USP10: variants seen among roughly 807,000 people sequenced by gnomAD.
USP10 encodes ubiquitin specific peptidase 10, also known as ubiquitin carboxyl-terminal hydrolase 10.
A neutral mutation model predicts 84.5 loss-of-function variants in USP10; 22 were observed. The ratio of observed to expected loss-of-function variants is 0.26; its 90% CI spans 0.19 to 0.37. The LOEUF is 0.37. USP10 is among the 10% of genes least tolerant of loss of function. The pLI is 1.00. For missense variants in USP10, 1,019 were observed against 998.9 expected (o/e 1.02, Z -0.27); for synonymous variants, 454 against 387.6 (o/e 1.17, Z -2.01).
At chr16:84,749,910 C>T (rs535803214) in intron 4 of USP10, among the ~76,000 whole-genome samples, 1 of 152,062 alleles carries the variant, frequency 6.6e-6, no homozygotes, top group Non-Finnish European at 1.5e-5. Flanking sequence ...GGCTGTTTTT[C>T]AAGTGTGAAC....
intron 6 of USP10, 65 bp downstream of exon 6, chr16:84,759,537 A>T: frequency 7.0e-7 from 1 of 1,433,326 alleles, no homozygotes; most frequent in South Asian, 1.2e-5. Flanking sequence ...TTAGAATTGA[A>T]ATAGTTTAGT....
At chr16:84,745,767 A>G (rs1911159153) in intron 4 of USP10, 94 bp downstream of exon 4, 1 of 1,316,400 alleles carries the variant, frequency 7.6e-7, no homozygotes. Context: ...ACAATGGCAG[A>G]TTACCTGTGT....
intron 3 of USP10, among the ~76,000 whole-genome samples, chr16:84,741,121 G>C (rs936842494): frequency 7.9e-5 from 12 of 152,214 alleles, no homozygotes; most frequent in Admixed American, 6.5e-4. Flanking sequence ...TCCCTGTTCA[G>C]TTAGCATGGT....
intron 9 of USP10, among the ~76,000 whole-genome samples, chr16:84,763,769 C>T (rs544127798): frequency 1.3e-5 from 2 of 151,900 alleles, no homozygotes; most frequent in South Asian, 2.1e-4. Flanking sequence ...GATTGGTTGC[C>T]GTGGATCCAG....
intron 11 of USP10, among the ~76,000 whole-genome samples, chr16:84,772,114 C>T (rs543915394): frequency 2.2e-4 from 34 of 152,104 alleles, no homozygotes; most frequent in African/African-American, 8.2e-4. Context: ...TACAGTGGCG[C>T]GAACTTAGCT....
chr16:84,713,885 C>T (rs989635402), intron 1 of USP10, among the ~76,000 whole-genome samples: 1 of 152,250 alleles, frequency 6.6e-6, no homozygotes, highest in Non-Finnish European at 1.5e-5. Flanking sequence ...GCAGAAAGAC[C>T]TGGCGTGTGC....
chr16:84,712,326 G>A (rs1409571570), intron 1 of USP10, among the ~76,000 whole-genome samples: 1 of 152,168 alleles, frequency 6.6e-6, no homozygotes, highest in Non-Finnish European at 1.5e-5. Context: ...TTATGCAGAG[G>A]CCAACACCAC....
intron 1 of USP10, among the ~76,000 whole-genome samples, chr16:84,701,324 C>T (rs1904830928): frequency 6.6e-6 from 1 of 152,154 alleles, no homozygotes; most frequent in African/African-American, 2.4e-5. Context: ...AGAATTTCCC[C>T]CTTTAACGTT....
chr16:84,760,051 C>A, intron 7 of USP10, 105 bp downstream of exon 7: 2 of 1,517,534 alleles, frequency 1.3e-6, no homozygotes, highest in East Asian at 2.3e-5. Context: ...AGTGTCTTTA[C>A]ACCTATGCCA....
chr16:84,700,571 C>T (rs576496320), intron 1 of USP10, among the ~76,000 whole-genome samples: 3 of 152,258 alleles, frequency 2.0e-5, no homozygotes, highest in Admixed American at 6.5e-5. Flanking sequence ...TGCCCTGTTG[C>T]CCCTTTGCCC....
chr16:84,732,867 A>G (rs2150799652), intron 1 of USP10, among the ~76,000 whole-genome samples: 1 of 152,346 alleles, frequency 6.6e-6, no homozygotes, highest in Non-Finnish European at 1.5e-5. Context: ...ATTCCGTGAA[A>G]TCAGGCTTGC....
At chr16:84,758,626 A>T (rs1434018570) in intron 4 of USP10, 90 bp from the exon 5 acceptor site, 4 of 919,546 alleles carry the variant, frequency 4.3e-6, no homozygotes, top group Admixed American at 3.7e-5. Context: ...GGGATTTTAA[A>T]TGCTGTCCCA....
chr16:84,754,000 G>C (rs1912231231), intron 4 of USP10, among the ~76,000 whole-genome samples: 1 of 152,194 alleles, frequency 6.6e-6, no homozygotes, highest in Admixed American at 6.5e-5. Context: ...AGGGATGGCA[G>C]TAACAGGCTG....
rs368828194 is a variant in USP10, at chr16:84,745,576, C to T, written c.1095C>T (p.Ser365=). ...SPVAYVETKY[S]PPAISPLVSE... is the part of the protein sequence containing the mutation. ...TGGCCTATGTGGAAACTAAGTATTC[C>T]CCTCCCGCCATATCTCCCCTGGTTT... The change falls in exon 4 of 14, where the codon TCC becomes TCT. Residue 365 remains serine, a synonymous_variant. Transcript: ENST00000219473. The T allele has an allele frequency of 2.4e-5, 39 of 1,610,426 alleles. No individual in the cohort carries two copies. The highest frequency in any genetic ancestry group is 3.2e-5 in the Non-Finnish European group (38 of 1,178,282).
At chr16:84,757,680 A>G (rs1019415829) in intron 4 of USP10, among the ~76,000 whole-genome samples, 1 of 152,042 alleles carries the variant, frequency 6.6e-6, no homozygotes, top group Non-Finnish European at 1.5e-5. Flanking sequence ...AGGTGTATCT[A>G]TTTGTGGGTT....
At chr16:84,729,390 G>GACATTTGATAGTTAACTCC (rs2150792516) in intron 1 of USP10, among the ~76,000 whole-genome samples, 1 of 152,272 alleles carries the variant, frequency 6.6e-6, no homozygotes, top group African/African-American at 2.4e-5. Flanking sequence ...GTCTTTTACT[G>GACATTTGATAGTTAACTCC]ACATTTGATA....
At chr16:84,728,289 T>G (rs1597315979) in intron 1 of USP10, among the ~76,000 whole-genome samples, 1 of 152,228 alleles carries the variant, frequency 6.6e-6, no homozygotes, top group East Asian at 1.9e-4. Context: ...CACTGGTATT[T>G]GCTATAAATA....
intron 1 of USP10, among the ~76,000 whole-genome samples, chr16:84,714,844 T>A (rs547493366): frequency 2.0e-4 from 31 of 151,842 alleles, no homozygotes; most frequent in African/African-American, 7.2e-4. Context: ...TGAATTTTTT[T>A]AAATTTTAAA....
At chr16:84,723,852 A>G (rs568144674) in intron 1 of USP10, among the ~76,000 whole-genome samples, 70 of 152,358 alleles carry the variant, frequency 4.6e-4, no homozygotes, top group African/African-American at 1.7e-3. Flanking sequence ...GTCATTCCCC[A>G]GAATGACATT....
Sources: allele counts gnomAD v4.1 joint callset (sites outside exome capture counted in the v4.1 genomes callset), GRCh38; gene constraint gnomAD v4.1.1; transcripts MANE v1.5; gene names NCBI Gene and HGNC (gene_info 2026-07-23, HGNC 2026-07-21).